SETMAR: variants seen among roughly 807,000 people sequenced by gnomAD.
The protein encoded by SETMAR is SET and mariner transposase domain methyltransferase, also known as histone-lysine N-methyltransferase SETMAR.
A neutral mutation model predicts 58.4 loss-of-function variants in SETMAR; 44 were observed. The ratio of observed to expected loss-of-function variants is 0.75; its 90% confidence interval spans 0.59 to 0.97. SETMAR has a LOEUF of 0.97. Among genes scored for constraint, SETMAR ranks in the 50% least tolerant of loss-of-function variants. SETMAR has a pLI of 0.00. For missense variants in SETMAR, 903 were observed against 840.2 expected (o/e 1.07, Z -0.92); for synonymous variants, 332 against 307.4 (o/e 1.08, Z -0.84).
Position 4,308,239 on chromosome 3 carries a change from T to A in SETMAR, c.157-4659T>A, listed in dbSNP as rs1216331380. ...CCTAGACACAATTTTGGTTTGAATA[T>A]GTTTGAACCTGGAAAGTTTAACTCC... On this transcript the variant is annotated intron_variant, in intron 1 of 2. Transcript: ENST00000358065. 2.6e-5 allele frequency among the ~76,000 whole-genome samples: 4 copies of A among 152,208 alleles called. No homozygotes were observed. The East Asian group carries it at 7.7e-4, about 29-fold the overall frequency.
intron 1 of SETMAR, among the ~76,000 whole-genome samples, chr3:4,304,675 G>A (rs1425672893): frequency 6.6e-6 from 1 of 152,144 alleles, no homozygotes; most frequent in Non-Finnish European, 1.5e-5. Flanking sequence ...AACCCTATCT[G>A]CCCTTTCTTT....
intron 1 of SETMAR, among the ~76,000 whole-genome samples, chr3:4,305,236 C>G (rs953454655): frequency 2.6e-5 from 4 of 152,138 alleles, no homozygotes; most frequent in African/African-American, 9.7e-5. Flanking sequence ...CAGGCGCCTA[C>G]AACCACGCCC....
chr3:4,303,576 G>C (rs1698042351), intron 1 of SETMAR, 50 bp downstream of exon 1: 1 of 1,346,494 alleles, frequency 7.4e-7, no homozygotes, highest in South Asian at 2.0e-5. Flanking sequence ...GCTCCCCCAC[G>C]TGGTCTCCTC....
In SETMAR at chr3:4,310,467, T is replaced by C. The variant is rs1358464090; in HGVS notation, c.157-2431T>C. 2.0e-5 allele frequency among the ~76,000 whole-genome samples: 3 copies of C among 152,246 alleles called. No homozygotes were observed. In the East Asian group the frequency reaches 5.8e-4, roughly 29 times the overall value. On this transcript the variant is annotated intron_variant, in intron 1 of 2. Coordinates refer to ENST00000358065, the MANE Select transcript of SETMAR (RefSeq NM_006515.4). ...ATGAAGACAAAATGACTCAAAGCAA[T>C]TATTGGTATCAGGATCAGTGATTAT...
intron 1 of SETMAR, among the ~76,000 whole-genome samples, chr3:4,304,809 G>T (rs1473450489): frequency 6.6e-6 from 1 of 152,110 alleles, no homozygotes; most frequent in Non-Finnish European, 1.5e-5. Context: ...AAATATGAGT[G>T]ACCATGGCCT....
intron 1 of SETMAR, among the ~76,000 whole-genome samples, chr3:4,312,661 C>T (rs534253101): frequency 6.8e-6 from 1 of 147,984 alleles, no homozygotes; most frequent in African/African-American, 2.5e-5. Context: ...GTGATCACAG[C>T]ACTGCACTCC....
Position 4,313,354 on chromosome 3 carries a change from G to T in SETMAR, c.613G>T (p.Val205Leu), listed in dbSNP as rs1204327042. 2 of 1,613,860 alleles carry T rather than the reference G, an allele frequency of 1.2e-6. No homozygotes were observed. Among genetic ancestry groups the T allele is most frequent in the African/African-American group, 2.7e-5 (2 of 74,902 alleles). The change falls in exon 2 of 3, where the codon GTA (valine) becomes TTA (leucine). Residue 205 changes from valine to leucine, a missense_variant. By Grantham distance (32) the Val-to-Leu change is conservative. Coordinates refer to ENST00000358065, the MANE Select transcript of SETMAR (RefSeq NM_006515.4). The part of the protein sequence containing the change: ...AIREHVYNGQ[V>L]METFVDPTYI... ...CAGGGAACATGTTTATAATGGGCAG[G>T]TAATGGAAACATTTGTTGACCCTAC... is the stretch of plus-strand genomic sequence containing the variant.
intron 1 of SETMAR, 79 bp downstream of exon 1, chr3:4,303,605 G>A (rs958019878): frequency 7.3e-7 from 1 of 1,372,384 alleles, no homozygotes; most frequent in African/African-American, 1.5e-5. Flanking sequence ...TCGCTGGGAC[G>A]GCCTCCCAGT....
intron 1 of SETMAR, among the ~76,000 whole-genome samples, chr3:4,305,538 G>T (rs1698157675): frequency 6.6e-6 from 1 of 152,184 alleles, no homozygotes; most frequent in South Asian, 2.1e-4. Context: ...GAGGGGGAAA[G>T]GGGATTCTCT....
rs563402982 is a variant in SETMAR, at chr3:4,308,664, C to G, written c.157-4234C>G. 6.6e-5 allele frequency among the ~76,000 whole-genome samples: 10 copies of G among 152,314 alleles called. No homozygotes were observed. The East Asian group carries it at 9.6e-4, about 15-fold the overall frequency. On this transcript the variant is annotated intron_variant, in intron 1 of 2. Coordinates refer to ENST00000358065, the MANE Select transcript of SETMAR (RefSeq NM_006515.4). ...AAGAGCCTGGCTGTGGTTTGTGTCT[C>G]CTTTAGAGCATTCCATGTTCTGCAC...
Position 4,317,241 on chromosome 3 carries a change from G to A in SETMAR, c.2050G>A (p.Asp684Asn). 6.5e-7 allele frequency: 1 copy of A among 1,530,418 alleles called. No individual in the cohort carries two copies. Among genetic ancestry groups the A allele is most frequent in the Non-Finnish European group, 8.8e-7 (1 of 1,137,924 alleles). The allele number at this position is 1,530,418 out of a possible 1,614,324, so 94.8% of individuals were successfully genotyped here. A position where few individuals can be genotyped will look rare whatever the true frequency, so the allele number is the denominator to read the frequency against. The part of the protein sequence containing the change: ...KCVDCNGSYF[D>N] ...TGTTGATTGTAATGGTTCCTATTTTGATTAATAAAAATGCGTTGAGCCTAG... is the reference window on the plus strand; with the variant it reads ...TGTTGATTGTAATGGTTCCTATTTTAATTAATAAAAATGCGTTGAGCCTAG... The change falls in exon 3 of 3, where the codon GAT becomes AAT. Residue 684 changes from aspartate to asparagine, a missense_variant. Asp to Asn is a conservative substitution (Grantham distance 23). Transcript: ENST00000358065.
chr3:4,307,648 T>G (rs1204297308), intron 1 of SETMAR, among the ~76,000 whole-genome samples: 2 of 152,252 alleles, frequency 1.3e-5, no homozygotes, highest in African/African-American at 4.8e-5. Context: ...TTGCCGTGAT[T>G]GTTTTGCATT....
Position 4,312,994 on chromosome 3 carries a change from G to A in SETMAR, c.253G>A (p.Gly85Ser). The A allele has an allele frequency of 6.2e-7, 1 of 1,613,954 alleles. No homozygotes were observed. Among genetic ancestry groups the A allele is most frequent in the Non-Finnish European group, 8.5e-7 (1 of 1,179,946 alleles). The change falls in exon 2 of 3, where the codon GGC (glycine) becomes AGC (serine). Residue 85 changes from glycine to serine, a missense_variant. By Grantham distance (56) the Gly-to-Ser change is moderately conservative. Transcript: ENST00000358065. ...CICVKTPCLP[G>S]TCSCLRHGEN... ...TTGTGTCAAAACTCCCTGCCTCCCT[G>A]GCACTTGCTCCTGTCTCCGCCATGG...
chr3:4,312,762 G>C, intron 1 of SETMAR, 136 bp from the exon 2 acceptor site: 6 of 924,250 alleles, frequency 6.5e-6, no homozygotes, highest in Non-Finnish European at 9.4e-6. Flanking sequence ...CAATATCTTA[G>C]TATGCTGTGT....
intron 1 of SETMAR, 185 bp downstream of exon 1, chr3:4,303,711 C>T (rs1431249650): frequency 6.7e-7 from 1 of 1,503,306 alleles, no homozygotes; most frequent in South Asian, 1.2e-5. Context: ...CCCACGGCAT[C>T]ACCTTAGCAA....
In SETMAR at chr3:4,317,227, A is replaced by C. The variant is rs1698701825; in HGVS notation, c.2036A>C (p.Asn679Thr). Residue 679 changes from asparagine (N) to threonine (T), a missense_variant, in exon 3 of 3, where the codon AAT becomes ACT. Asn to Thr is a moderately conservative substitution (Grantham distance 65). Transcript: ENST00000358065. ...CGTTGGCAAAAATGTGTTGATTGTA[A>C]TGGTTCCTATTTTGATTAATAAAAA... is the stretch of plus-strand genomic sequence containing the variant. ...ISRWQKCVDCNGSYFD is the reference protein window; with the variant it reads ...ISRWQKCVDCTGSYFD 2.6e-6 allele frequency: 4 copies of C among 1,542,326 alleles called. No individual in the cohort carries two copies. The highest frequency in any genetic ancestry group is 3.5e-6 in the Non-Finnish European group (4 of 1,144,204).
In SETMAR at chr3:4,316,653, T is replaced by C. The variant is rs1403491788; in HGVS notation, c.1462T>C (p.Phe488Leu). 1 of 1,551,238 alleles carries C rather than the reference T, an allele frequency of 6.4e-7. No homozygotes were observed. The highest frequency in any genetic ancestry group is 8.7e-7 in the Non-Finnish European group (1 of 1,146,764). The change falls in exon 3 of 3, where the codon TTT becomes CTT. Residue 488 changes from phenylalanine to leucine, a missense_variant. Phe to Leu is a conservative substitution (Grantham distance 22, BLOSUM62 0). Transcript: ENST00000358065. Reference sequence around the variant, plus strand: ...TATTCTACGCAACCACAACGAACCATTTCTCGATCGGATTGTGACGTGTGA... The same window carrying C: ...TATTCTACGCAACCACAACGAACCACTTCTCGATCGGATTGTGACGTGTGA... ...SLILRNHNEP[F>L]LDRIVTCDEK...
intron 1 of SETMAR, among the ~76,000 whole-genome samples, chr3:4,307,839 C>T (rs1448946699): frequency 6.6e-6 from 1 of 152,096 alleles, no homozygotes; most frequent in East Asian, 1.9e-4. Context: ...GAGTTTAAGA[C>T]CACCCTTAAC....
At chr3:4,303,641 C>G in intron 1 of SETMAR, 115 bp downstream of exon 1, 1 of 1,425,240 alleles carries the variant, frequency 7.0e-7, no homozygotes, top group Non-Finnish European at 9.2e-7. Flanking sequence ...TCTCTTACAG[C>G]GCACCCGTTG....
Sources: gnomAD v4.1 joint callset for allele counts (sites outside exome capture counted in the v4.1 genomes callset) on GRCh38, gnomAD v4.1.1 for gene constraint, MANE v1.5 for transcripts, NCBI Gene and HGNC (gene_info 2026-07-23, HGNC 2026-07-21) for gene names.